Variants in PIBF1 observed in about 807,000 individuals in gnomAD.
The protein encoded by PIBF1 is progesterone-induced-blocking factor 1.
A neutral mutation model predicts 112.5 loss-of-function variants in PIBF1; 90 were observed. The observed-to-expected ratio is 0.80, with a 90% CI of 0.67 to 0.95. The LOEUF (loss-of-function observed/expected upper bound fraction) is 0.95. PIBF1 is among the 40% of genes least tolerant of loss of function. The probability of loss-of-function intolerance (pLI) is 0.00; values close to 1 mark genes in which losing one functional copy is unlikely to be tolerated. For missense variants in PIBF1, 915 were observed against 852.3 expected (o/e 1.07, Z -0.92); for synonymous variants, 301 against 288.6 (o/e 1.04, Z -0.44).
At chr13:73,013,746 A>AG (rs2044293574) in intron 17 of PIBF1, among the ~76,000 whole-genome samples, 5 of 145,068 alleles carry the variant, frequency 3.4e-5, no homozygotes, top group East Asian at 1.9e-4. Context: ...AAAAAAAAAA[A>AG]AAAAAAAGAA....
At chr13:72,801,303 A>G (rs1016001176) in intron 5 of PIBF1, among the ~76,000 whole-genome samples, 2 of 151,908 alleles carry the variant, frequency 1.3e-5, no homozygotes, top group African/African-American at 2.4e-5. Context: ...TTTTCAGTAG[A>G]TATACTGGAA....
At chr13:72,946,170 G>A (rs2042144070) in intron 14 of PIBF1, among the ~76,000 whole-genome samples, 1 of 152,150 alleles carries the variant, frequency 6.6e-6, no homozygotes, top group Non-Finnish European at 1.5e-5. Context: ...GAGGCCTCAG[G>A]AAACTTACAG....
chr13:72,874,113 G>C (rs1235240835), intron 10 of PIBF1, among the ~76,000 whole-genome samples: 2 of 152,166 alleles, frequency 1.3e-5, no homozygotes, highest in Non-Finnish European at 2.9e-5. Flanking sequence ...AAGGTTGTCA[G>C]TTAACTCAAA....
At chr13:72,952,946 G>A (rs1594260849) in intron 14 of PIBF1, among the ~76,000 whole-genome samples, 1 of 151,982 alleles carries the variant, frequency 6.6e-6, no homozygotes, top group East Asian at 1.9e-4. Context: ...CAAGCTTGAG[G>A]CCAGTAGGAG....
chr13:72,964,832 G>T (rs1165895609), intron 14 of PIBF1, among the ~76,000 whole-genome samples: 1 of 152,148 alleles, frequency 6.6e-6, no homozygotes, highest in Non-Finnish European at 1.5e-5. Flanking sequence ...GGAGGCTGAG[G>T]TGGGCGATCA....
chr13:72,888,058 G>A (rs2039924651), intron 10 of PIBF1, among the ~76,000 whole-genome samples: 1 of 152,106 alleles, frequency 6.6e-6, no homozygotes, highest in African/African-American at 2.4e-5. Flanking sequence ...TTCCTTCAAA[G>A]AGAAGTTTTT....
intron 10 of PIBF1, among the ~76,000 whole-genome samples, chr13:72,887,917 CAAATA>C: frequency 6.6e-6 from 1 of 152,164 alleles, no homozygotes; most frequent in East Asian, 1.9e-4. Flanking sequence ...TATATGGACA[CAAATA>C]AGAATACCCT....
At chr13:72,901,004 C>G (rs2040462305) in intron 11 of PIBF1, 1 of 404,986 alleles carries the variant, frequency 2.5e-6, no homozygotes. Context: ...CCTGGGCAAC[C>G]AGAGCAAAAC....
chr13:72,862,215 G>A (rs1193100567), intron 10 of PIBF1, among the ~76,000 whole-genome samples: 1 of 152,212 alleles, frequency 6.6e-6, no homozygotes, highest in African/African-American at 2.4e-5. Flanking sequence ...ATGGGAAACA[G>A]CAATGTTGTA....
At position 72,963,308 on chromosome 13, in the gene PIBF1, T is replaced by A. The variant is rs550203209; in HGVS notation, c.1834-1966T>A. Among the ~76,000 whole-genome samples the A allele has an allele frequency of 2.6e-5, 4 of 152,254 alleles. No homozygotes were observed. In the East Asian group the frequency reaches 7.7e-4, roughly 29 times the overall value. On this transcript the variant is annotated intron_variant, in intron 14 of 17. Transcript: ENST00000326291. ...TAAAAAATTGTGAGTTAAAGGAGAT[T>A]ATCAGCCGGACCCAATGGCTCATGC... is the stretch of plus-strand genomic sequence containing the variant.
intron 11 of PIBF1, among the ~76,000 whole-genome samples, chr13:72,906,345 C>T (rs1021955395): frequency 6.6e-6 from 1 of 152,014 alleles, no homozygotes; most frequent in Non-Finnish European, 1.5e-5. Context: ...TCAGTTAATA[C>T]ATGTATTATT....
At chr13:72,818,216 A>C (rs1203518548) in intron 5 of PIBF1, among the ~76,000 whole-genome samples, 2 of 152,180 alleles carry the variant, frequency 1.3e-5, no homozygotes, top group Non-Finnish European at 1.5e-5. Flanking sequence ...TTGCACTCAC[A>C]GAAAACACTG....
intron 5 of PIBF1, among the ~76,000 whole-genome samples, chr13:72,811,774 A>G (rs1388102297): frequency 6.6e-6 from 1 of 152,124 alleles, no homozygotes; most frequent in Non-Finnish European, 1.5e-5. Context: ...AAACCTCTAA[A>G]AAATTGCTCC....
At chr13:72,851,882 G>A (rs577701351) in intron 9 of PIBF1, among the ~76,000 whole-genome samples, 1 of 152,244 alleles carries the variant, frequency 6.6e-6, no homozygotes, top group South Asian at 2.1e-4. Flanking sequence ...CTGAGCAGAT[G>A]TAGAGACAAC....
At position 72,785,798 on chromosome 13, in the gene PIBF1, CACCTGTAT is replaced by C. The variant is rs542510168; in HGVS notation, c.252+2081_252+2088del. On this transcript the variant is annotated intron_variant, in intron 2 of 17. Coordinates refer to ENST00000326291, the MANE Select transcript of PIBF1 (RefSeq NM_006346.4). Reference sequence around the variant, plus strand: ...AGTCAACAAGTATTTTTTTAAGTGCCACCTGTATACCATATCCAGACTTACATTTTGTT... The same window carrying C: ...AGTCAACAAGTATTTTTTTAAGTGCCACCATATCCAGACTTACATTTTGTT... 4.5e-3 allele frequency among the ~76,000 whole-genome samples: 685 copies of C among 152,234 alleles called. 4 individuals are homozygous for C. The highest frequency in any genetic ancestry group is 0.024 in the Middle Eastern group (7 of 294).
At chr13:72,912,509 GA>G (rs555879752) in intron 12 of PIBF1, among the ~76,000 whole-genome samples, 61 of 152,312 alleles carry the variant, frequency 4.0e-4, no homozygotes, top group African/African-American at 1.3e-3. Context: ...GCTGAAATTA[GA>G]AAGACTGACT....
chr13:72,823,036 A>G (rs887735461), intron 6 of PIBF1, among the ~76,000 whole-genome samples: 1 of 152,216 alleles, frequency 6.6e-6, no homozygotes, highest in Non-Finnish European at 1.5e-5. Flanking sequence ...TCGAGGCTGC[A>G]GTGAACTATG....
chr13:72,995,087 G>C (rs1344995465), intron 16 of PIBF1, among the ~76,000 whole-genome samples: 1 of 151,986 alleles, frequency 6.6e-6, no homozygotes, highest in African/African-American at 2.4e-5. Context: ...GAATCATGAG[G>C]TCAGGAGTTC....
chr13:72,785,273 A>G (rs967468555), intron 2 of PIBF1, among the ~76,000 whole-genome samples: 2 of 152,168 alleles, frequency 1.3e-5, no homozygotes, highest in South Asian at 2.1e-4. Context: ...TGTGCCTTTT[A>G]TGGCCATCGG....
Sources: gnomAD v4.1 joint callset for allele counts (sites outside exome capture counted in the v4.1 genomes callset) on GRCh38, gnomAD v4.1.1 for gene constraint, MANE v1.5 for transcripts, NCBI Gene and HGNC (gene_info 2026-07-23, HGNC 2026-07-21) for gene names.